SHISA9: variants seen among roughly 807,000 people sequenced by gnomAD.
SHISA9 encodes the protein shisa family member 9.
Under a neutral mutation model 38.0 loss-of-function variants are expected in SHISA9, and 13 were observed. The observed-to-expected ratio is 0.34, with a 90% CI of 0.22 to 0.54. The LOEUF (loss-of-function observed/expected upper bound fraction) is 0.54. Among genes scored for constraint, SHISA9 ranks in the 20% least tolerant of loss-of-function variants. SHISA9 has a pLI of 0.91. For missense variants in SHISA9, 538 were observed against 575.8 expected (o/e 0.93, Z 0.67); for synonymous variants, 275 against 242.0 (o/e 1.14, Z -1.27).
rs1003150056 is a variant in SHISA9 at position 13,114,304 on chromosome 16, A to C, written c.692-89090A>C. 4.6e-5 allele frequency among the ~76,000 whole-genome samples: 7 copies of C among 151,908 alleles called. No homozygotes were observed. In the East Asian group the frequency reaches 1.4e-3, roughly 30 times the overall value. ...ACATGGTGAAACCCCATCTCCACTA[A>C]AAATACAAAAAATTAGCTGGGTGTG... is the stretch of plus-strand genomic sequence containing the variant. On this transcript the variant is annotated intron_variant, in intron 2 of 4. Transcript: ENST00000558583.
chr16:13,015,890 C>CTTTCTTTCTTTCTTTCTTTCTT (rs1555454828), intron 2 of SHISA9, among the ~76,000 whole-genome samples: 4,924 of 117,008 alleles, frequency 0.042, 192 homozygotes, highest in Middle Eastern at 0.098. Flanking sequence ...TTCTTTCTTT[C>CTTTCTTTCTTTCTTTCTTTCTT]TTTCTTTCTT....
At chr16:12,933,558 G>T (rs1181244476) in intron 2 of SHISA9, among the ~76,000 whole-genome samples, 4 of 152,178 alleles carry the variant, frequency 2.6e-5, no homozygotes, top group African/African-American at 2.4e-5. Context: ...CTCCCAAAGT[G>T]CTGGGATTAC....
At chr16:13,144,363 G>A (rs1287595058) in intron 2 of SHISA9, among the ~76,000 whole-genome samples, 1 of 152,034 alleles carries the variant, frequency 6.6e-6, no homozygotes, top group African/African-American at 2.4e-5. Flanking sequence ...ATGTTGGCCA[G>A]GATGGTCTCA....
intron 2 of SHISA9, among the ~76,000 whole-genome samples, chr16:13,087,246 G>T (rs1440337921): frequency 6.7e-6 from 1 of 148,582 alleles, no homozygotes; most frequent in East Asian, 2.0e-4. Flanking sequence ...ATTTGGGTTG[G>T]TTCCAAGTCT....
At chr16:13,539,011 G>C in the SHISA9 span, among the ~76,000 whole-genome samples, 1 of 152,086 alleles carries the variant, frequency 6.6e-6, no homozygotes. Flanking sequence ...CGATTGGAAG[G>C]TGATCACTGG....
chr16:13,015,250 G>A (rs1376402701), intron 2 of SHISA9, among the ~76,000 whole-genome samples: 1 of 152,202 alleles, frequency 6.6e-6, no homozygotes, highest in African/African-American at 2.4e-5. Flanking sequence ...TGAGTAGTTG[G>A]GATGGAGATT....
the SHISA9 span, among the ~76,000 whole-genome samples, chr16:13,272,425 G>A: frequency 2.6e-5 from 4 of 151,484 alleles, no homozygotes; most frequent in East Asian, 1.9e-4. Flanking sequence ...ATGGAGTCTC[G>A]CTATGTTACC....
At chr16:13,445,793 C>T in the SHISA9 span, among the ~76,000 whole-genome samples, 115 of 152,316 alleles carry the variant, frequency 7.6e-4, no homozygotes, top group Admixed American at 3.9e-3. Context: ...GACTTTACCA[C>T]TTACCAGTTA....
intron 2 of SHISA9, among the ~76,000 whole-genome samples, chr16:13,071,046 A>G (rs866127772): frequency 5.9e-5 from 9 of 152,254 alleles, no homozygotes; most frequent in Middle Eastern, 3.4e-3. Context: ...AGGAACTAAC[A>G]TGTTCCACCT....
At chr16:13,440,695 G>A in the SHISA9 span, among the ~76,000 whole-genome samples, 1 of 152,190 alleles carries the variant, frequency 6.6e-6, no homozygotes, top group African/African-American at 2.4e-5. Flanking sequence ...TTGGGAGGCC[G>A]AGGCGGGCGG....
intron 2 of SHISA9, among the ~76,000 whole-genome samples, chr16:13,142,241 C>G (rs2050408146): frequency 6.6e-6 from 1 of 152,186 alleles, no homozygotes; most frequent in African/African-American, 2.4e-5. Context: ...GGGCGTCTAG[C>G]AGGCCCAAGC....
chr16:12,976,204 C>T (rs1353829116), intron 2 of SHISA9, among the ~76,000 whole-genome samples: 1 of 152,152 alleles, frequency 6.6e-6, no homozygotes, highest in East Asian at 1.9e-4. Flanking sequence ...TCTTGTGCCT[C>T]AGCCTCCCGA....
At chr16:13,265,831 C>A in the SHISA9 span, among the ~76,000 whole-genome samples, 11,692 of 148,234 alleles carry the variant, frequency 0.079, 485 homozygotes, top group Admixed American at 0.11. Flanking sequence ...AAAAAAAAAA[C>A]AAGAATCTCT....
At chr16:13,412,606 C>T in the SHISA9 span, among the ~76,000 whole-genome samples, 7 of 152,232 alleles carry the variant, frequency 4.6e-5, no homozygotes, top group East Asian at 1.4e-3. Flanking sequence ...CCTATAATCT[C>T]AGCACTTTGG....
chr16:13,417,573 T>A, the SHISA9 span, among the ~76,000 whole-genome samples: 10 of 152,254 alleles, frequency 6.6e-5, no homozygotes, highest in African/African-American at 2.2e-4. Flanking sequence ...GTCTTCACTG[T>A]CAGTGTCTTG....
chr16:12,977,052 C>T (rs1233827799), intron 2 of SHISA9, among the ~76,000 whole-genome samples: 2 of 152,134 alleles, frequency 1.3e-5, no homozygotes, highest in African/African-American at 2.4e-5. Context: ...TCTTCCAAGG[C>T]CCCTGAGGTT....
intron 2 of SHISA9, among the ~76,000 whole-genome samples, chr16:13,034,311 T>C (rs1009791052): frequency 2.0e-5 from 3 of 152,116 alleles, no homozygotes; most frequent in Non-Finnish European, 4.4e-5. Flanking sequence ...CATTAGCATC[T>C]CCTTGGGAAT....
chr16:13,069,638 A>G (rs1567201640), intron 2 of SHISA9, among the ~76,000 whole-genome samples: 2 of 152,178 alleles, frequency 1.3e-5, no homozygotes, highest in Non-Finnish European at 2.9e-5. Context: ...CTGTGTACAT[A>G]AATGTAAATG....
intron 2 of SHISA9, among the ~76,000 whole-genome samples, chr16:12,982,068 C>T (rs1009000638): frequency 5.9e-5 from 9 of 152,274 alleles, no homozygotes; most frequent in South Asian, 2.1e-4. Context: ...TCGTTGAATG[C>T]GATTACTATA....
Sources: allele counts gnomAD v4.1 joint callset (sites outside exome capture counted in the v4.1 genomes callset), GRCh38; gene constraint gnomAD v4.1.1; transcripts MANE v1.5; gene names NCBI Gene and HGNC (gene_info 2026-07-23, HGNC 2026-07-21).